Variants in KCNK13 observed in about 807,000 individuals in gnomAD.
The protein encoded by KCNK13 is potassium channel subfamily K member 13.
KCNK13 carries 12 observed loss-of-function variants against 23.4 expected under a neutral mutation model. That is an observed-to-expected ratio of 0.51 (90% CI 0.33 to 0.83). The LOEUF (loss-of-function observed/expected upper bound fraction) is 0.83, where lower values mean the gene tolerates loss of function less well. Among genes scored for constraint, KCNK13 ranks in the 40% least tolerant of loss-of-function variants. The pLI is 0.02. For missense variants in KCNK13, 463 were observed against 556.3 expected (o/e 0.83, Z 1.69); for synonymous variants, 231 against 229.5 (o/e 1.01, Z -0.06).
intron 1 of KCNK13, among the ~76,000 whole-genome samples, chr14:90,152,592 G>A (rs1478538128): frequency 6.6e-6 from 1 of 151,968 alleles, no homozygotes; most frequent in African/African-American, 2.4e-5. Flanking sequence ...ATGATTGTGA[G>A]GCCTCTCCAG....
chr14:90,159,233 A>C (rs572783622), intron 1 of KCNK13, among the ~76,000 whole-genome samples: 1 of 152,176 alleles, frequency 6.6e-6, no homozygotes, highest in Non-Finnish European at 1.5e-5. Flanking sequence ...AACACTTCCC[A>C]TTCGGCCCCA....
At chr14:90,139,787 T>C (rs57472325) in intron 1 of KCNK13, among the ~76,000 whole-genome samples, 24,559 of 151,612 alleles carry the variant, frequency 0.16, 2,258 homozygotes, top group South Asian at 0.29. Context: ...CATGGCAAAA[T>C]CCCATCTCCA....
At chr14:90,155,631 G>A (rs1409707705) in intron 1 of KCNK13, among the ~76,000 whole-genome samples, 2 of 152,172 alleles carry the variant, frequency 1.3e-5, no homozygotes, top group Non-Finnish European at 2.9e-5. Context: ...ATATATTTTG[G>A]TAGGTAGAAC....
rs1888945891 is a variant in KCNK13, at chr14:90,061,999, C to T, written c.-207C>T. 5.1e-6 allele frequency: 2 copies of T among 391,384 alleles called. No homozygotes were observed. Among genetic ancestry groups the T allele is most frequent in the Non-Finnish European group, 9.0e-6 (2 of 223,442 alleles). 24.2% of individuals were successfully genotyped at this position (391,384 alleles called of 1,614,324 possible). ...ATTTGAAACTAGGAGTCAAGGAGGA[C>T]GTGGGGAGCTGGCGCCACAGGAGCT... is the stretch of plus-strand genomic sequence containing the variant. On this transcript the variant is annotated 5_prime_UTR_variant, in exon 1 of 2. It adds an upstream start codon to the 5' untranslated region. Transcript: ENST00000282146.
chr14:90,087,083 C>T (rs1889284215), intron 1 of KCNK13, among the ~76,000 whole-genome samples: 1 of 144,880 alleles, frequency 6.9e-6, no homozygotes, highest in Admixed American at 7.0e-5. Context: ...TGGTTATTAG[C>T]CTTAATTTTA....
chr14:90,140,348 A>G (rs974333266), intron 1 of KCNK13, among the ~76,000 whole-genome samples: 1 of 152,222 alleles, frequency 6.6e-6, no homozygotes, highest in Non-Finnish European at 1.5e-5. Flanking sequence ...CCACGCATCA[A>G]AAACATTCTG....
intron 1 of KCNK13, among the ~76,000 whole-genome samples, chr14:90,182,562 C>T (rs1890500065): frequency 6.6e-6 from 1 of 152,020 alleles, no homozygotes; most frequent in African/African-American, 2.4e-5. Flanking sequence ...TGGCTTATGC[C>T]CGTAATCCCA....
At chr14:90,073,843 C>G (rs2140390775) in intron 1 of KCNK13, among the ~76,000 whole-genome samples, 1 of 151,950 alleles carries the variant, frequency 6.6e-6, no homozygotes, top group East Asian at 1.9e-4. Flanking sequence ...GCTAATTTTT[C>G]TATTATTACA....
At chr14:90,116,358 G>T (rs1424077668) in intron 1 of KCNK13, among the ~76,000 whole-genome samples, 3 of 152,158 alleles carry the variant, frequency 2.0e-5, no homozygotes, top group African/African-American at 4.8e-5. Context: ...CATTATGGGG[G>T]CAAAAACAAG....
Position 90,130,250 on chromosome 14 carries a change from A to G in KCNK13, c.335-53861A>G, listed in dbSNP as rs929382744. 4.6e-4 allele frequency among the ~76,000 whole-genome samples: 69 copies of G among 150,778 alleles called. 1 individual carries two copies. The highest frequency in any genetic ancestry group is 4.3e-3 in the Admixed American group (65 of 15,118). On this transcript the variant is annotated intron_variant, in intron 1 of 1. Transcript: ENST00000282146. ...GGTTTCACTCTCTCGCCCAGACTGGAGTGCAATGGTGCAATCTCGGCTCAC... is the reference window on the plus strand; with the variant it reads ...GGTTTCACTCTCTCGCCCAGACTGGGGTGCAATGGTGCAATCTCGGCTCAC...
At chr14:90,072,102 T>C (rs541471838) in intron 1 of KCNK13, among the ~76,000 whole-genome samples, 2 of 152,264 alleles carry the variant, frequency 1.3e-5, no homozygotes, top group South Asian at 4.2e-4. Context: ...CGGCCCTCCC[T>C]TCATCCTCCA....
At chr14:90,085,757 T>TATATTAG (rs1439761784) in intron 1 of KCNK13, among the ~76,000 whole-genome samples, 3 of 132,470 alleles carry the variant, frequency 2.3e-5, no homozygotes, top group South Asian at 4.4e-4. Context: ...TTATATATTA[T>TATATTAG]ATATTATATA....
intron 1 of KCNK13, among the ~76,000 whole-genome samples, chr14:90,162,680 G>A (rs958884750): frequency 6.6e-6 from 1 of 152,212 alleles, no homozygotes. Flanking sequence ...GAAAAGCACA[G>A]CCATAAGTGA....
chr14:90,158,769 G>A (rs1358374987), intron 1 of KCNK13, among the ~76,000 whole-genome samples: 5 of 152,140 alleles, frequency 3.3e-5, no homozygotes, highest in Non-Finnish European at 7.3e-5. Context: ...CTCATGCTGC[G>A]TATGTCCTAC....
At position 90,175,350 on chromosome 14, in the gene KCNK13, T is replaced by C. The variant is rs190366429; in HGVS notation, c.335-8761T>C. 1.7e-3 allele frequency among the ~76,000 whole-genome samples: 258 copies of C among 152,286 alleles called. 1 individual carries two copies. Among genetic ancestry groups the C allele is most frequent in the African/African-American group, 6.0e-3 (250 of 41,572 alleles). ...CTCAAAAAGACATGTACAAAAAAGTTTGTGGAAACATTATTCTTATAGCCC... is the reference window on the plus strand; with the variant it reads ...CTCAAAAAGACATGTACAAAAAAGTCTGTGGAAACATTATTCTTATAGCCC... On this transcript the variant is annotated intron_variant, in intron 1 of 1. Coordinates refer to ENST00000282146, the MANE Select transcript of KCNK13 (RefSeq NM_022054.4).
intron 1 of KCNK13, among the ~76,000 whole-genome samples, chr14:90,136,257 T>C (rs983459257): frequency 6.6e-6 from 1 of 151,820 alleles, no homozygotes; most frequent in Non-Finnish European, 1.5e-5. Flanking sequence ...ATGGATGGAG[T>C]AGATGGTCCC....
At chr14:90,131,213 T>A (rs144020150) in intron 1 of KCNK13, among the ~76,000 whole-genome samples, 1 of 152,044 alleles carries the variant, frequency 6.6e-6, no homozygotes, top group African/African-American at 2.4e-5. Flanking sequence ...ATTGTTATTA[T>A]TTATTTATTT....
intron 1 of KCNK13, among the ~76,000 whole-genome samples, chr14:90,154,784 T>G (rs78159130): frequency 0.02 from 3,080 of 151,992 alleles, 45 homozygotes; most frequent in African/African-American, 0.031. Context: ...TTGCTTACCC[T>G]ATTAATTTTA....
chr14:90,184,614 T>A lies in KCNK13; in HGVS notation c.838T>A (p.Ser280Thr). The A allele has an allele frequency of 6.2e-7, 1 of 1,614,238 alleles. No individual in the cohort carries two copies. The highest frequency in any genetic ancestry group is 8.5e-7 in the Non-Finnish European group (1 of 1,180,042). Residue 280 changes from serine to threonine, a missense_variant, in exon 2 of 2, where the codon TCT becomes ACT. By Grantham distance (58) the Ser-to-Thr change is moderately conservative (BLOSUM62 1). Around this residue, in one of 3 missense-constraint regions of KCNK13, gnomAD observed 166 missense variants for 178.8 expected, o/e 0.93. Transcript: ENST00000282146. The surrounding 1 kb of genome is among the most constrained non-coding windows in gnomAD (Gnocchi z 5.6). Reference sequence around the variant, plus strand: ...CATCTACTCCTTGTTCAATGTCATCTCTATCCTCATCAAACAGTCCTTGAA... The same window carrying A: ...CATCTACTCCTTGTTCAATGTCATCACTATCCTCATCAAACAGTCCTTGAA... ...CCIYSLFNVI[S>T]ILIKQSLNWI...
Sources: allele counts gnomAD v4.1 joint callset (sites outside exome capture counted in the v4.1 genomes callset), GRCh38; gene constraint gnomAD v4.1.1; regional missense constraint gnomAD v4.1.1; non-coding constraint Gnocchi (gnomAD v3.1); transcripts MANE v1.5; gene names NCBI Gene and HGNC (gene_info 2026-07-23, HGNC 2026-07-21).